The following AFDN variants were observed in gnomAD, a reference collection of about 807,000 sequenced individuals.
AFDN encodes afadin.
Under a neutral mutation model 216.6 loss-of-function variants are expected in AFDN, and 68 were observed. The observed-to-expected ratio is 0.31, with a 90% CI of 0.26 to 0.38. The LOEUF is 0.38. AFDN is among the 10% of genes least tolerant of loss of function. The probability of loss-of-function intolerance (pLI) is 1.00; values close to 1 mark genes in which losing one functional copy is unlikely to be tolerated. For synonymous variants in AFDN, 868 were observed against 853.7 expected, an observed-to-expected ratio of 1.02 and a Z score of -0.29; for missense variants, 2,136 against 2,342.0, an observed-to-expected ratio of 0.91 and a Z score of 1.82.
At chr6:167,901,654 G>T (rs918543450) in intron 11 of AFDN, among the ~76,000 whole-genome samples, 2 of 152,078 alleles carry the variant, frequency 1.3e-5, no homozygotes, top group South Asian at 4.2e-4. Context: ...TGTTCCTCAT[G>T]TGTCACTTTC....
intron 4 of AFDN, 109 bp from the exon 5 acceptor site, chr6:167,875,226 G>C (rs1462880605): frequency 4.2e-6 from 4 of 953,836 alleles, no homozygotes; most frequent in Non-Finnish European, 6.4e-6. Flanking sequence ...CTTAGGTACA[G>C]ATGTAGCCAA....
intron 30 of AFDN, among the ~76,000 whole-genome samples, chr6:167,956,949 C>T (rs1796580357): frequency 2.0e-5 from 3 of 152,208 alleles, no homozygotes; most frequent in African/African-American, 4.8e-5. Flanking sequence ...ACGAGAATGT[C>T]CTCACAGCCC....
At chr6:167,914,355 T>A in intron 17 of AFDN, 42 bp downstream of exon 17, 1 of 1,590,676 alleles carries the variant, frequency 6.3e-7, no homozygotes, top group Non-Finnish European at 8.6e-7. Context: ...TCTAAATAAT[T>A]AAGTCATTTG....
intron 23 of AFDN, among the ~76,000 whole-genome samples, chr6:167,930,154 G>T (rs9346631): frequency 0.29 from 43,900 of 152,020 alleles, 7,319 homozygotes; most frequent in East Asian, 0.59. Flanking sequence ...GTGGTGAACT[G>T]TTTTTTCATC....
intron 15 of AFDN, 107 bp from the exon 16 acceptor site, chr6:167,913,296 C>T (rs1790640557): frequency 1.9e-6 from 2 of 1,058,498 alleles, no homozygotes; most frequent in Non-Finnish European, 1.4e-6. Flanking sequence ...GTCGTACCTT[C>T]ATGTCGTACC....
intron 23 of AFDN, among the ~76,000 whole-genome samples, chr6:167,936,378 A>T (rs1794000425): frequency 6.6e-6 from 1 of 152,214 alleles, no homozygotes; most frequent in South Asian, 2.1e-4. Flanking sequence ...GTTCTTTCTT[A>T]GTTGGAAAAG....
intron 13 of AFDN, among the ~76,000 whole-genome samples, chr6:167,910,691 C>T (rs1790271853): frequency 6.6e-6 from 1 of 152,126 alleles, no homozygotes; most frequent in African/African-American, 2.4e-5. Flanking sequence ...GAAGCTTTTC[C>T]CTTTCAGTAT....
intron 3 of AFDN, among the ~76,000 whole-genome samples, chr6:167,870,778 A>T (rs1784702061): frequency 6.7e-6 from 1 of 150,366 alleles, no homozygotes; most frequent in South Asian, 2.1e-4. Context: ...AGCTGCAGTT[A>T]TTTTTTTTTT....
intron 21 of AFDN, 47 bp from the exon 22 acceptor site, chr6:167,922,809 T>C: frequency 7.7e-7 from 1 of 1,297,830 alleles, no homozygotes; most frequent in Non-Finnish European, 1.1e-6. Context: ...TCCTTTATCT[T>C]GACAAGATGT....
intron 21 of AFDN, 151 bp from the exon 22 acceptor site, chr6:167,922,705 C>G: frequency 3.9e-6 from 2 of 511,200 alleles, no homozygotes; most frequent in South Asian, 3.1e-5. Flanking sequence ...TTTTAAATGT[C>G]TGGTAATTCA....
At chr6:167,953,628 C>T (rs1796222089) in intron 30 of AFDN, among the ~76,000 whole-genome samples, 1 of 152,062 alleles carries the variant, frequency 6.6e-6, no homozygotes, top group Non-Finnish European at 1.5e-5. Flanking sequence ...TTTGAAAAAC[C>T]AACCACTACA....
intron 31 of AFDN, chr6:167,964,613 TC>T: frequency 5.7e-6 from 6 of 1,045,122 alleles, no homozygotes; most frequent in Non-Finnish European, 6.9e-6. Flanking sequence ...GCGTATTCAC[TC>T]TGTGTGTGTG....
Position 167,970,073 on chromosome 6 carries a change from G to T in AFDN, c.*138G>T. The T allele has an allele frequency of 1.4e-6, 1 of 719,240 alleles. No individual in the cohort carries two copies. The highest frequency in any genetic ancestry group is 2.1e-6 in the Non-Finnish European group (1 of 473,590). 44.6% of individuals were successfully genotyped at this position (719,240 alleles called of 1,614,324 possible). A position where few individuals can be genotyped will look rare whatever the true frequency, so the allele number is the denominator to read the frequency against. ...CAATTTCTGTTTCTAAAATTGTTGG[G>T]ATTTAGAAATGTTTCAATTCCAAGA... On this transcript the variant is annotated 3_prime_UTR_variant, in exon 34 of 34. Transcript: ENST00000683244.
chr6:167,967,077 A>G (rs1797644232), intron 32 of AFDN, among the ~76,000 whole-genome samples: 1 of 152,242 alleles, frequency 6.6e-6, no homozygotes, highest in Admixed American at 6.5e-5. Flanking sequence ...ATTGTTTTCA[A>G]GACAGCATGT....
intron 5 of AFDN, among the ~76,000 whole-genome samples, chr6:167,879,166 C>T (rs1785801414): frequency 1.3e-5 from 2 of 152,126 alleles, no homozygotes; most frequent in South Asian, 2.1e-4. Context: ...TGAGTGTGCA[C>T]ATGGTAAAGA....
At chr6:167,849,943 G>A (rs1385238772) in intron 1 of AFDN, among the ~76,000 whole-genome samples, 1 of 152,176 alleles carries the variant, frequency 6.6e-6, no homozygotes, top group Non-Finnish European at 1.5e-5. Flanking sequence ...CCTTTCAGAA[G>A]TCCGTGTGCT....
chr6:167,931,611 A>G (rs1421166204), intron 23 of AFDN, among the ~76,000 whole-genome samples: 1 of 151,840 alleles, frequency 6.6e-6, no homozygotes, highest in Non-Finnish European at 1.5e-5. Flanking sequence ...TTTTTTTTCC[A>G]GTTTACTTGT....
intron 32 of AFDN, 55 bp downstream of exon 32, chr6:167,966,100 C>T (rs1397373127): frequency 3.3e-6 from 5 of 1,536,946 alleles, no homozygotes; most frequent in African/African-American, 1.4e-5. Flanking sequence ...CTTCCTGCCC[C>T]TCTTAAACCA....
At chr6:167,937,237 C>A (rs1188351589) in intron 23 of AFDN, among the ~76,000 whole-genome samples, 1 of 152,186 alleles carries the variant, frequency 6.6e-6, no homozygotes, top group South Asian at 2.1e-4. Flanking sequence ...TTATCTAGAT[C>A]CGTATTCTTT....
Sources: allele counts gnomAD v4.1 joint callset (sites outside exome capture counted in the v4.1 genomes callset), GRCh38; gene constraint gnomAD v4.1.1; transcripts MANE v1.5; gene names NCBI Gene and HGNC (gene_info 2026-07-23, HGNC 2026-07-21).